Variants in SMAP2 observed in about 807,000 individuals in gnomAD.
SMAP2 encodes stromal membrane-associated protein 2.
SMAP2 carries 25 observed loss-of-function variants against 56.4 expected under a neutral mutation model. That is an observed-to-expected ratio of 0.44 (90% CI 0.32 to 0.62). The LOEUF is 0.62. Among genes scored for constraint, SMAP2 ranks in the 20% least tolerant of loss-of-function variants. The probability of loss-of-function intolerance (pLI) is 0.04; values close to 1 mark genes in which losing one functional copy is unlikely to be tolerated. For missense variants in SMAP2, 388 were observed against 545.6 expected (o/e 0.71, Z 2.88); for synonymous variants, 157 against 181.7 (o/e 0.86, Z 1.09).
intron 1 of SMAP2, among the ~76,000 whole-genome samples, chr1:40,390,835 G>A (rs190036953): frequency 5.3e-5 from 8 of 152,222 alleles, no homozygotes; most frequent in Middle Eastern, 6.8e-3. Flanking sequence ...TCATTCCTAA[G>A]GTTTGTTACA....
intron 1 of SMAP2, among the ~76,000 whole-genome samples, chr1:40,398,865 C>G (rs1280910302): frequency 6.6e-6 from 1 of 152,174 alleles, no homozygotes; most frequent in Non-Finnish European, 1.5e-5. Flanking sequence ...AGGAACCATG[C>G]TATGCCGTGA....
chr1:40,360,959 G>A (rs1362574040), intron 1 of SMAP2, among the ~76,000 whole-genome samples: 6 of 152,232 alleles, frequency 3.9e-5, no homozygotes, highest in African/African-American at 1.4e-4. Flanking sequence ...CTGATGCTAT[G>A]CTGGGCTTGA....
At chr1:40,421,930 C>T (rs759557233) in intron 9 of SMAP2, 46 bp from the exon 10 acceptor site, 17 of 1,612,028 alleles carry the variant, frequency 1.1e-5, no homozygotes, top group South Asian at 6.6e-5. Context: ...CACTAATTGG[C>T]GGAATGCCCA....
intron 1 of SMAP2, among the ~76,000 whole-genome samples, chr1:40,360,869 C>A (rs1644456998): frequency 6.6e-6 from 1 of 152,162 alleles, no homozygotes; most frequent in South Asian, 2.1e-4. Context: ...GTCTCACCAC[C>A]CCAGGCCAAA....
At chr1:40,409,672 C>T in intron 3 of SMAP2, 85 bp from the exon 4 acceptor site, 1 of 943,040 alleles carries the variant, frequency 1.1e-6, no homozygotes, top group South Asian at 1.4e-5. Flanking sequence ...AGGAGGAGAA[C>T]AATGCTCCGT....
chr1:40,421,885 C>G (rs1645046752), intron 9 of SMAP2, 91 bp from the exon 10 acceptor site: 2 of 1,448,664 alleles, frequency 1.4e-6, no homozygotes, highest in Non-Finnish European at 1.9e-6. Flanking sequence ...TTCTCCCCAT[C>G]CTGGCAGAGA....
intron 9 of SMAP2, among the ~76,000 whole-genome samples, chr1:40,418,406 G>T (rs1031170770): frequency 6.6e-6 from 1 of 152,022 alleles, no homozygotes; most frequent in Non-Finnish European, 1.5e-5. Context: ...GTTAGGCAAA[G>T]AAAACTTACA....
At chr1:40,403,377 C>T (rs1055059559) in intron 1 of SMAP2, among the ~76,000 whole-genome samples, 11 of 152,100 alleles carry the variant, frequency 7.2e-5, no homozygotes, top group East Asian at 1.9e-4. Flanking sequence ...TGGTAGCACG[C>T]GCCTATAGTC....
At chr1:40,414,589 TG>T (rs1253923877) in intron 6 of SMAP2, among the ~76,000 whole-genome samples, 1 of 152,194 alleles carries the variant, frequency 6.6e-6, no homozygotes, top group Admixed American at 6.5e-5. Context: ...AAGGTGTTGT[TG>T]GAAGGATTAA....
intron 1 of SMAP2, among the ~76,000 whole-genome samples, chr1:40,390,127 C>T (rs1644702771): frequency 6.6e-6 from 1 of 152,186 alleles, no homozygotes; most frequent in East Asian, 1.9e-4. Flanking sequence ...TTTTGCTCTC[C>T]TCCCTTAAGC....
intron 1 of SMAP2, among the ~76,000 whole-genome samples, chr1:40,352,573 C>T (rs1388138976): frequency 6.6e-6 from 1 of 152,022 alleles, no homozygotes; most frequent in African/African-American, 2.4e-5. Flanking sequence ...GGATCTTGCT[C>T]TGTCATCCAA....
chr1:40,391,847 G>A (rs1378011877), intron 1 of SMAP2, among the ~76,000 whole-genome samples: 2 of 152,184 alleles, frequency 1.3e-5, no homozygotes, highest in South Asian at 2.1e-4. Flanking sequence ...TTGTTGCAAA[G>A]AGGAAGTTAA....
In SMAP2 at chr1:40,398,596, T is replaced by C. The variant is rs535239700; in HGVS notation, c.104-8140T>C. 5.9e-5 allele frequency among the ~76,000 whole-genome samples: 9 copies of C among 152,368 alleles called. No individual in the cohort carries two copies. The East Asian group carries it at 1.7e-3, about 29-fold the overall frequency. ...CATAAAGATGTAATAATGAACATTC[T>C]TAACGTATTTCTTTGTGTACTTGAC... On this transcript the variant is annotated intron_variant, in intron 1 of 9. Coordinates refer to ENST00000372718, the MANE Select transcript of SMAP2 (RefSeq NM_022733.3).
chr1:40,376,515 T>C (rs1255932194), intron 1 of SMAP2, among the ~76,000 whole-genome samples: 1 of 152,194 alleles, frequency 6.6e-6, no homozygotes, highest in Non-Finnish European at 1.5e-5. Context: ...TGTTGAGGCC[T>C]CTGTTTATCC....
chr1:40,362,406 C>G (rs1282189004), exon 2 of SMAP2: 1 of 152,168 alleles, frequency 6.6e-6, no homozygotes, highest in Non-Finnish European at 1.5e-5. Context: ...GGAACACAGC[C>G]AGCGCAGGAG....
At chr1:40,405,502 A>G (rs1189168953) in intron 1 of SMAP2, among the ~76,000 whole-genome samples, 1 of 152,184 alleles carries the variant, frequency 6.6e-6, no homozygotes, top group African/African-American at 2.4e-5. Flanking sequence ...TAAAAATTAA[A>G]AAATTAAAAA....
Position 40,417,070 on chromosome 1 carries a change from C to T in SMAP2, c.1138C>T (p.Gln380Ter), listed in dbSNP as rs755011671. The change falls in exon 9 of 10, where the codon CAG (glutamine) becomes TAG (stop). Residue 380 changes from glutamine (Q) to a stop codon, truncating the protein, a stop_gained. Coordinates refer to ENST00000372718, the MANE Select transcript of SMAP2 (RefSeq NM_022733.3). LOFTEE classifies it high-confidence loss of function. ...PQTVYGVQPA[Q>*]QLQWNLTQMT... ...GACTGTGTATGGGGTCCAGCCAGCT[C>T]AGCAGCTGCAATGGAACCTTACTCA... is the stretch of plus-strand genomic sequence containing the variant. 4.4e-6 allele frequency: 7 copies of T among 1,603,554 alleles called. No homozygotes were observed. Among genetic ancestry groups the T allele is most frequent in the Non-Finnish European group, 6.0e-6 (7 of 1,171,192 alleles).
intron 4 of SMAP2, among the ~76,000 whole-genome samples, chr1:40,410,402 A>T (rs538374585): frequency 6.6e-6 from 1 of 151,646 alleles, no homozygotes; most frequent in Admixed American, 6.6e-5. Flanking sequence ...TGGGATGGAC[A>T]TGTTGCATAT....
At position 40,374,820 on chromosome 1, in the gene SMAP2, G is replaced by A; in HGVS notation, c.103+597G>A. The A allele has an allele frequency of 6.5e-7, 1 of 1,548,228 alleles. No homozygotes were observed. Among genetic ancestry groups the A allele is most frequent in the Non-Finnish European group, 8.7e-7 (1 of 1,145,726 alleles). On this transcript the variant is annotated intron_variant, in intron 1 of 9. Transcript: ENST00000372718. This position sits in a 1 kb window ranked among gnomAD's most constrained non-coding sequence, Gnocchi z 5.9. ...TTTATTCTTCTGGATGTGTGCAGTG[G>A]GAAACTGCCTTATGCAGTGACACAG...
Sources: allele counts gnomAD v4.1 joint callset (sites outside exome capture counted in the v4.1 genomes callset), GRCh38; gene constraint gnomAD v4.1.1; non-coding constraint Gnocchi (gnomAD v3.1); transcripts MANE v1.5; gene names NCBI Gene and HGNC (gene_info 2026-07-23, HGNC 2026-07-21).